HOOK3: variants seen among roughly 807,000 people sequenced by gnomAD.
HOOK3 encodes protein Hook homolog 3.
HOOK3 carries 24 observed loss-of-function variants against 116.3 expected under a neutral mutation model. That is an observed-to-expected ratio of 0.21 (90% confidence interval 0.15 to 0.29). The LOEUF (loss-of-function observed/expected upper bound fraction) is 0.29, where lower values mean the gene tolerates loss of function less well. Among genes scored for constraint, HOOK3 ranks in the 10% least tolerant of loss-of-function variants. The pLI is 1.00. For synonymous variants in HOOK3, 275 were observed against 283.0 expected, an observed-to-expected ratio of 0.97 and a Z score of 0.28; for missense variants, 632 against 830.2, an observed-to-expected ratio of 0.76 and a Z score of 2.93.
At chr8:42,942,457 A>T (rs1339523093) in intron 4 of HOOK3, among the ~76,000 whole-genome samples, 1 of 152,200 alleles carries the variant, frequency 6.6e-6, no homozygotes, top group South Asian at 2.1e-4. Context: ...TACCTTCTTG[A>T]TCACAACCTC....
At chr8:42,959,384 A>C in intron 8 of HOOK3, 70 bp downstream of exon 8, 4 of 1,038,194 alleles carry the variant, frequency 3.9e-6, no homozygotes, top group Non-Finnish European at 6.0e-6. Flanking sequence ...TGTGCTGTGT[A>C]CTGTCATACA....
intron 8 of HOOK3, 39 bp from the exon 9 acceptor site, chr8:42,964,272 G>C: frequency 6.2e-7 from 1 of 1,603,118 alleles, no homozygotes; most frequent in South Asian, 1.1e-5. Context: ...TGCCAGTGTA[G>C]TTGGAAGAAA....
At chr8:42,974,051 G>A in intron 12 of HOOK3, 56 bp from the exon 13 acceptor site, 1 of 1,246,566 alleles carries the variant, frequency 8.0e-7, no homozygotes, top group South Asian at 1.2e-5. Flanking sequence ...AGAGGCCACT[G>A]ATGAATAAAT....
intron 2 of HOOK3, among the ~76,000 whole-genome samples, chr8:42,907,816 CAAAAAAAAAA>C (rs71550426): frequency 4.3e-5 from 2 of 46,196 alleles, no homozygotes; most frequent in Non-Finnish European, 9.1e-5. Flanking sequence ...AGCAACGAGG[CAAAAAAAAAA>C]AAAAAAAAAA....
At chr8:42,977,252 A>G (rs527239846) in intron 13 of HOOK3, among the ~76,000 whole-genome samples, 1 of 152,198 alleles carries the variant, frequency 6.6e-6, no homozygotes, top group East Asian at 1.9e-4. Flanking sequence ...GACACCTCTT[A>G]TATAAGCAGA....
At chr8:42,898,234 T>G (rs1232458769) in intron 1 of HOOK3, among the ~76,000 whole-genome samples, 1 of 152,228 alleles carries the variant, frequency 6.6e-6, no homozygotes, top group Non-Finnish European at 1.5e-5. Flanking sequence ...AAAAATAGTC[T>G]GAGGTTTTTA....
At chr8:42,950,541 G>T in intron 6 of HOOK3, 86 bp downstream of exon 6, 4 of 746,090 alleles carry the variant, frequency 5.4e-6, no homozygotes, top group Middle Eastern at 2.4e-4. Context: ...AATTTTAAGA[G>T]ATTCTCCTCA....
intron 14 of HOOK3, among the ~76,000 whole-genome samples, chr8:42,985,053 G>T (rs1195511844): frequency 1.3e-5 from 2 of 152,118 alleles, no homozygotes; most frequent in East Asian, 3.9e-4. Context: ...TTAGACAGTG[G>T]GTTAATATTT....
intron 1 of HOOK3, among the ~76,000 whole-genome samples, chr8:42,899,369 T>C (rs915301494): frequency 6.6e-6 from 1 of 152,168 alleles, no homozygotes; most frequent in Non-Finnish European, 1.5e-5. Context: ...CTGGATAAGA[T>C]TAGAGATTAT....
In HOOK3 at chr8:43,018,726, A is replaced by C. The variant is rs1479981810; in HGVS notation, c.*228A>C. 4.8e-6 allele frequency: 2 copies of C among 418,024 alleles called. No homozygotes were observed. The highest frequency in any genetic ancestry group is 8.4e-6 in the Non-Finnish European group (2 of 236,958). 25.9% of individuals were successfully genotyped at this position (418,024 alleles called of 1,614,324 possible). On this transcript the variant is annotated 3_prime_UTR_variant, in exon 22 of 22. Coordinates refer to ENST00000307602, the MANE Select transcript of HOOK3 (RefSeq NM_032410.4). ...TTTTTAATGTGCCAAAAATTTGTAC[A>C]TGTTCAATTAAAAATGTTGTATAAT...
chr8:42,919,543 C>T (rs1278857216), intron 2 of HOOK3, among the ~76,000 whole-genome samples: 2 of 151,762 alleles, frequency 1.3e-5, no homozygotes, highest in Non-Finnish European at 2.9e-5. Flanking sequence ...GACGGGGTGG[C>T]GGCCGGGCAG....
intron 6 of HOOK3, among the ~76,000 whole-genome samples, chr8:42,951,937 C>CAA (rs57984038): frequency 0.017 from 2,208 of 130,134 alleles, 29 homozygotes; most frequent in Non-Finnish European, 0.025. Context: ...GACTCCGTCT[C>CAA]AAAAAAAAAA....
At chr8:42,948,194 G>A (rs1238048808) in intron 5 of HOOK3, among the ~76,000 whole-genome samples, 1 of 152,076 alleles carries the variant, frequency 6.6e-6, no homozygotes, top group Middle Eastern at 3.2e-3. Flanking sequence ...GGCTAGACAA[G>A]GACAAAAACT....
intron 2 of HOOK3, among the ~76,000 whole-genome samples, chr8:42,912,721 A>G (rs1337402907): frequency 6.6e-6 from 1 of 152,192 alleles, no homozygotes. Flanking sequence ...CCACAATGGT[A>G]TATTTGTTAC....
intron 2 of HOOK3, among the ~76,000 whole-genome samples, chr8:42,921,594 A>G (rs1295584607): frequency 1.3e-5 from 2 of 152,188 alleles, no homozygotes. Context: ...CCTGACCAGC[A>G]TGGTCCCTAA....
chr8:42,897,612 C>CAT (rs1807044349), intron 1 of HOOK3, among the ~76,000 whole-genome samples: 1 of 152,228 alleles, frequency 6.6e-6, no homozygotes, highest in African/African-American at 2.4e-5. Context: ...GCGGGAGGCG[C>CAT]CCGGGGACCC....
At position 42,947,372 on chromosome 8, in the gene HOOK3, TG is replaced by T. The variant is rs1808249190; in HGVS notation, c.401-3014del. Among the ~76,000 whole-genome samples the T allele has an allele frequency of 2.0e-5, 3 of 152,334 alleles. No individual in the cohort carries two copies. In the South Asian group the frequency reaches 6.2e-4, roughly 32 times the overall value. Reference sequence around the variant, plus strand: ...TTCTCCTTAATATGTAGGGGGTCTTTGGAAGTGCACAACTGTTGAGAGTCAG... The same window carrying T: ...TTCTCCTTAATATGTAGGGGGTCTTTGAAGTGCACAACTGTTGAGAGTCAG... On this transcript the variant is annotated intron_variant, in intron 5 of 21. Coordinates refer to ENST00000307602, the MANE Select transcript of HOOK3 (RefSeq NM_032410.4).
intron 1 of HOOK3, among the ~76,000 whole-genome samples, chr8:42,897,929 C>G (rs935739330): frequency 6.6e-6 from 1 of 152,182 alleles, no homozygotes; most frequent in African/African-American, 2.4e-5. Flanking sequence ...GCGGCGCGGC[C>G]GGGGAGGGGG....
chr8:42,941,540 A>AG (rs1554510993), intron 4 of HOOK3, among the ~76,000 whole-genome samples: 15 of 150,828 alleles, frequency 9.9e-5, no homozygotes, highest in African/African-American at 3.6e-4. Flanking sequence ...AAAAAAAAAA[A>AG]GAGGCATGAG....
Sources: gnomAD v4.1 joint callset for allele counts (sites outside exome capture counted in the v4.1 genomes callset) on GRCh38, gnomAD v4.1.1 for gene constraint, MANE v1.5 for transcripts, NCBI Gene and HGNC (gene_info 2026-07-23, HGNC 2026-07-21) for gene names.